Variants in CTNNA3 observed in about 807,000 individuals in gnomAD.
The protein encoded by CTNNA3 is catenin alpha 3.
Under a neutral mutation model 95.7 loss-of-function variants are expected in CTNNA3, and 76 were observed. The observed-to-expected ratio is 0.79, with a 90% CI of 0.66 to 0.96. The LOEUF (loss-of-function observed/expected upper bound fraction) is 0.96. Among genes scored for constraint, CTNNA3 ranks in the 40% least tolerant of loss-of-function variants. The probability of loss-of-function intolerance (pLI) is 0.00; values close to 1 mark genes in which losing one functional copy is unlikely to be tolerated. For synonymous variants in CTNNA3, 431 were observed against 374.4 expected, an observed-to-expected ratio of 1.15 and a Z score of -1.74; for missense variants, 1,191 against 1,089.8, an observed-to-expected ratio of 1.09 and a Z score of -1.31.
At chr10:67,545,249 G>T (rs1840813821) in intron 3 of CTNNA3, among the ~76,000 whole-genome samples, 1 of 152,072 alleles carries the variant, frequency 6.6e-6, no homozygotes, top group Non-Finnish European at 1.5e-5. Context: ...TCATAGATAG[G>T]ATATAGTAGA....
intron 7 of CTNNA3, among the ~76,000 whole-genome samples, chr10:66,873,178 G>T (rs1194602446): frequency 6.6e-6 from 1 of 152,102 alleles, no homozygotes; most frequent in Non-Finnish European, 1.5e-5. Context: ...TATGTTTTTG[G>T]TAGAATGATA....
chr10:66,590,546 A>C (rs1275536570), intron 10 of CTNNA3, among the ~76,000 whole-genome samples: 1 of 152,110 alleles, frequency 6.6e-6, no homozygotes, highest in Non-Finnish European at 1.5e-5. Context: ...TAAAAAGTGA[A>C]TTAGGAAAAT....
intron 9 of CTNNA3, among the ~76,000 whole-genome samples, chr10:66,655,301 CAT>C (rs1055940032): frequency 5.9e-5 from 9 of 152,088 alleles, no homozygotes; most frequent in African/African-American, 1.9e-4. Context: ...AAAGATTTTT[CAT>C]GTTTCTTTTT....
chr10:66,594,213 T>A (rs1843639485), intron 10 of CTNNA3, among the ~76,000 whole-genome samples: 1 of 152,104 alleles, frequency 6.6e-6, no homozygotes, highest in African/African-American at 2.4e-5. Context: ...CTTGCCCTTT[T>A]AGCACATTCT....
At chr10:67,143,010 G>A (rs116598202) in intron 7 of CTNNA3, among the ~76,000 whole-genome samples, 4,451 of 152,162 alleles carry the variant, frequency 0.029, 231 homozygotes, top group African/African-American at 0.1. Context: ...TGATGGTGGC[G>A]GTTCTTGCCT....
chr10:66,954,375 C>T (rs950130271), intron 7 of CTNNA3, among the ~76,000 whole-genome samples: 1 of 152,076 alleles, frequency 6.6e-6, no homozygotes, highest in African/African-American at 2.4e-5. Flanking sequence ...TTGCAGGGCT[C>T]CTCAGTGACT....
chr10:67,622,152 C>T (rs571661012), intron 2 of CTNNA3, among the ~76,000 whole-genome samples: 41 of 152,260 alleles, frequency 2.7e-4, no homozygotes, highest in African/African-American at 9.4e-4. Flanking sequence ...GTGAAAATGA[C>T]GACATCTGGG....
chr10:66,731,771 A>C (rs1208312791), intron 9 of CTNNA3, among the ~76,000 whole-genome samples: 1 of 152,128 alleles, frequency 6.6e-6, no homozygotes, highest in Non-Finnish European at 1.5e-5. Flanking sequence ...CATATTTAAC[A>C]CTTTGCTACC....
chr10:66,697,071 C>T (rs927337795), intron 9 of CTNNA3, among the ~76,000 whole-genome samples: 4 of 152,072 alleles, frequency 2.6e-5, no homozygotes, highest in South Asian at 2.1e-4. Flanking sequence ...TAGGAAGCAA[C>T]TGCCCATCCA....
In CTNNA3 at chr10:65,917,255, A is replaced by G. The variant is rs2077018560; in HGVS notation, c.*3075T>C. 1 of 152,222 alleles carries G rather than the reference A, an allele frequency of 6.6e-6. No homozygotes were observed. The allele number at this position is 152,222 out of a possible 1,614,324, so 9.4% of individuals were successfully genotyped here. ...AATAAATAATAAACAGAAAGGAATA[A>G]TGAACAAATTAGCTTAGAAATTTAG... On this transcript the variant is annotated 3_prime_UTR_variant, in exon 18 of 18. Coordinates refer to ENST00000433211, the MANE Select transcript of CTNNA3 (RefSeq NM_013266.4).
chr10:66,157,409 A>ATAGG (rs3053719), intron 13 of CTNNA3, among the ~76,000 whole-genome samples: 26 of 151,056 alleles, frequency 1.7e-4, no homozygotes, highest in Admixed American at 4.6e-4. Flanking sequence ...TCTATCATAG[A>ATAGG]TAGGTAGGTA....
At chr10:67,081,783 C>T (rs1857072242) in intron 7 of CTNNA3, among the ~76,000 whole-genome samples, 1 of 152,182 alleles carries the variant, frequency 6.6e-6, no homozygotes, top group Non-Finnish European at 1.5e-5. Context: ...TGTCTTCCTT[C>T]AAGACTCAGC....
rs556075339 is a variant in CTNNA3 at position 66,104,580 on chromosome 10, C to T, written c.1885-1331G>A. 1.9e-4 allele frequency among the ~76,000 whole-genome samples: 29 copies of T among 152,288 alleles called. No homozygotes were observed. The South Asian group carries it at 4.8e-3, about 25-fold the overall frequency. On this transcript the variant is annotated intron_variant, in intron 13 of 17. Coordinates refer to ENST00000433211, the MANE Select transcript of CTNNA3 (RefSeq NM_013266.4). ...ACATTGTGCCCAATATGTAGCTTTT[C>T]ATTCCTAATCTCTCTCCCATCCTCC...
intron 13 of CTNNA3, among the ~76,000 whole-genome samples, chr10:66,185,928 T>A (rs12412688): frequency 0.075 from 11,368 of 151,448 alleles, 534 homozygotes; most frequent in Admixed American, 0.12. Context: ...CATCACACAC[T>A]CTCTCTCTCT....
At chr10:66,280,656 CTT>C (rs778084531) in intron 12 of CTNNA3, 35 bp from the exon 13 acceptor site, 2 of 1,542,586 alleles carry the variant, frequency 1.3e-6, no homozygotes, top group Non-Finnish European at 1.7e-6. Context: ...AGATTGTCCT[CTT>C]TGTATTTTTG....
chr10:67,078,903 G>T (rs1418848040), intron 7 of CTNNA3, among the ~76,000 whole-genome samples: 1 of 152,228 alleles, frequency 6.6e-6, no homozygotes, highest in Non-Finnish European at 1.5e-5. Context: ...AAAGCAGAGA[G>T]AGACAGAATA....
At chr10:66,057,318 C>T (rs532196047) in intron 15 of CTNNA3, among the ~76,000 whole-genome samples, 14 of 152,202 alleles carry the variant, frequency 9.2e-5, no homozygotes, top group African/African-American at 2.9e-4. Context: ...GATACAGAAC[C>T]GGTCTGCCAC....
At chr10:67,316,246 T>C (rs777957142) in intron 5 of CTNNA3, among the ~76,000 whole-genome samples, 1 of 152,202 alleles carries the variant, frequency 6.6e-6, no homozygotes, top group Admixed American at 6.5e-5. Context: ...TTGCTCAATA[T>C]AGACACACTG....
At chr10:67,027,501 C>T (rs1853465766) in intron 7 of CTNNA3, among the ~76,000 whole-genome samples, 1 of 138,630 alleles carries the variant, frequency 7.2e-6, no homozygotes, top group Admixed American at 7.9e-5. Flanking sequence ...GTGGTGTGAT[C>T]TCGGCTCACT....
Sources: allele counts gnomAD v4.1 joint callset (sites outside exome capture counted in the v4.1 genomes callset), GRCh38; gene constraint gnomAD v4.1.1; transcripts MANE v1.5; gene names NCBI Gene and HGNC (gene_info 2026-07-23, HGNC 2026-07-21).